CFAP44: variants seen among roughly 807,000 people sequenced by gnomAD.
The protein encoded by CFAP44 is cilia and flagella associated protein 44.
Under a neutral mutation model 216.2 loss-of-function variants are expected in CFAP44, and 134 were observed. The observed-to-expected ratio is 0.62, with a 90% CI of 0.54 to 0.72. The LOEUF is 0.72. CFAP44 is among the 30% of genes least tolerant of loss of function. The pLI, the probability that CFAP44 is intolerant of heterozygous loss-of-function variation, is 0.00. For missense variants in CFAP44, 2,035 were observed against 2,182.1 expected, an observed-to-expected ratio of 0.93 and a Z score of 1.34; for synonymous variants, 700 against 727.6, an observed-to-expected ratio of 0.96 and a Z score of 0.61.
At chr3:113,368,481 A>C (rs1300664983) in intron 18 of CFAP44, among the ~76,000 whole-genome samples, 1 of 152,240 alleles carries the variant, frequency 6.6e-6, no homozygotes, top group Non-Finnish European at 1.5e-5. Context: ...TTTCATATCC[A>C]GTCAAACTAA....
chr3:113,294,638 G>T, intron 34 of CFAP44, 49 bp downstream of exon 34: 1 of 1,476,308 alleles, frequency 6.8e-7, no homozygotes, highest in South Asian at 1.4e-5. Flanking sequence ...AGCTACCTTT[G>T]ACAGAGCTTC....
chr3:113,441,027 T>C (rs1327725959), intron 1 of CFAP44, among the ~76,000 whole-genome samples: 1 of 152,238 alleles, frequency 6.6e-6, no homozygotes, highest in African/African-American at 2.4e-5. Context: ...AATAACTCCA[T>C]GAGGTCACAT....
intron 22 of CFAP44, among the ~76,000 whole-genome samples, chr3:113,352,890 C>T (rs1165319743): frequency 6.6e-6 from 1 of 152,186 alleles, no homozygotes; most frequent in African/African-American, 2.4e-5. Context: ...TTTGGTACAA[C>T]TTTATCCTCT....
intron 5 of CFAP44, among the ~76,000 whole-genome samples, chr3:113,418,538 T>C (rs1934713798): frequency 1.3e-5 from 2 of 152,210 alleles, no homozygotes; most frequent in Admixed American, 6.5e-5. Flanking sequence ...GAACCATAAC[T>C]GGATAACTGT....
chr3:113,409,889 G>A (rs1934405654), intron 6 of CFAP44, among the ~76,000 whole-genome samples: 2 of 152,138 alleles, frequency 1.3e-5, no homozygotes, highest in Admixed American at 6.5e-5. Flanking sequence ...ATATGTTAAG[G>A]ATACTCCCAC....
chr3:113,317,689 A>C (rs115425545), intron 28 of CFAP44, among the ~76,000 whole-genome samples: 4,379 of 152,262 alleles, frequency 0.029, 110 homozygotes, highest in East Asian at 0.1. Flanking sequence ...CCAGCACTTG[A>C]GCTGGGGAGG....
chr3:113,338,947 T>A (rs1361362005), intron 24 of CFAP44, among the ~76,000 whole-genome samples: 1 of 151,940 alleles, frequency 6.6e-6, no homozygotes, highest in Non-Finnish European at 1.5e-5. Flanking sequence ...CTGAGACTCA[T>A]ATCTTTAATT....
At chr3:113,375,298 G>A (rs1387310913) in intron 17 of CFAP44, among the ~76,000 whole-genome samples, 1 of 152,144 alleles carries the variant, frequency 6.6e-6, no homozygotes, top group Middle Eastern at 3.2e-3. Context: ...TACTACTACT[G>A]AGCTGTACAC....
intron 32 of CFAP44, 125 bp from the exon 33 acceptor site, chr3:113,297,010 G>T: frequency 8.6e-7 from 1 of 1,165,658 alleles, no homozygotes; most frequent in Non-Finnish European, 1.2e-6. Context: ...TGCCATCAGT[G>T]ATTTTTCTTC....
At chr3:113,326,365 A>C in intron 28 of CFAP44, 80 bp downstream of exon 28, 1 of 1,296,716 alleles carries the variant, frequency 7.7e-7, no homozygotes, top group Non-Finnish European at 1.0e-6. Flanking sequence ...AAAATAAGGT[A>C]TCTAATAGGT....
Position 113,379,377 on chromosome 3 carries a change from A to G in CFAP44, c.2227T>C (p.Phe743Leu). 1 of 1,613,156 alleles carries G rather than the reference A, an allele frequency of 6.2e-7. No homozygotes were observed. The highest frequency in any genetic ancestry group is 1.1e-5 in the South Asian group (1 of 90,974). Reference protein sequence around the residue: ...EEEEEPLPEIFIPSTPSPILC... With the variant: ...EEEEEPLPEILIPSTPSPILC... ...ATGGGAGAGGGGGTTGACGGAATAA[A>G]TATTTCAGGTAATGGCTCTTCTTCC... is the stretch of plus-strand genomic sequence containing the variant. The change falls in exon 17 of 35, where the codon TTT (phenylalanine) becomes CTT (leucine). Residue 743 changes from phenylalanine (F) to leucine (L), a missense_variant. Physicochemically the swap from Phe to Leu is conservative, Grantham distance 22. Around this residue, in one of 3 missense-constraint regions of CFAP44, gnomAD observed 1,883 missense variants for 2,023.7 expected, o/e 0.93. Transcript: ENST00000393845.
chr3:113,341,812 T>A lies in CFAP44; in HGVS notation c.3369A>T (p.Arg1123Ser). ...IIVENQIEKT[R>S]KLILKAERAQ... ...CCCTTTCAGCTTTTAATATAAGTTT[T>A]CTCGTTTTCTCAATTTGATTTTCCA... The change falls in exon 24 of 35, where the codon AGA (arginine) becomes AGT (serine). Residue 1123 changes from arginine (R) to serine (S), a missense_variant. Physicochemically the swap from Arg to Ser is moderately radical, Grantham distance 110 (BLOSUM62 -1). Coordinates refer to ENST00000393845, the MANE Select transcript of CFAP44 (RefSeq NM_001164496.2). 1 of 1,531,524 alleles carries A rather than the reference T, an allele frequency of 6.5e-7. No homozygotes were observed. The allele number at this position is 1,531,524 out of a possible 1,614,324, so 94.9% of individuals were successfully genotyped here. A position where few individuals can be genotyped will look rare whatever the true frequency, so the allele number is the denominator to read the frequency against.
intron 7 of CFAP44, among the ~76,000 whole-genome samples, chr3:113,407,261 G>A (rs11927782): frequency 7.2e-5 from 11 of 152,132 alleles, no homozygotes; most frequent in Admixed American, 3.9e-4. Context: ...AAAATTTCCT[G>A]CTTTCATGCA....
chr3:113,398,458 T>A (rs183077884), intron 13 of CFAP44, among the ~76,000 whole-genome samples: 8 of 152,292 alleles, frequency 5.3e-5, no homozygotes, highest in Admixed American at 3.3e-4. Flanking sequence ...ATCCATATGA[T>A]CATTACTCGA....
At chr3:113,394,120 A>G (rs1933924476) in intron 15 of CFAP44, among the ~76,000 whole-genome samples, 1 of 152,228 alleles carries the variant, frequency 6.6e-6, no homozygotes, top group East Asian at 1.9e-4. Flanking sequence ...CTCAGTTTCT[A>G]CCACTGGTTA....
At chr3:113,388,380 C>T (rs1440281821) in intron 15 of CFAP44, among the ~76,000 whole-genome samples, 1 of 151,698 alleles carries the variant, frequency 6.6e-6, no homozygotes, top group Non-Finnish European at 1.5e-5. Context: ...ATAGTAACTT[C>T]AATGAAAAAA....
intron 1 of CFAP44, among the ~76,000 whole-genome samples, chr3:113,436,135 A>G (rs1044292158): frequency 2.0e-5 from 3 of 152,202 alleles, no homozygotes; most frequent in Non-Finnish European, 4.4e-5. Flanking sequence ...GCACTGTCAG[A>G]AAAGCAGTCT....
At chr3:113,338,945 C>T (rs1361220866) in intron 24 of CFAP44, among the ~76,000 whole-genome samples, 2 of 151,902 alleles carry the variant, frequency 1.3e-5, no homozygotes, top group East Asian at 3.9e-4. Context: ...CTCTGAGACT[C>T]ATATCTTTAA....
intron 24 of CFAP44, 105 bp from the exon 25 acceptor site, chr3:113,333,688 T>C: frequency 1.6e-6 from 2 of 1,263,274 alleles, no homozygotes; most frequent in South Asian, 2.1e-5. Context: ...GAAACAAAAG[T>C]ATGATTTCAA....
Sources: allele counts gnomAD v4.1 joint callset (sites outside exome capture counted in the v4.1 genomes callset), GRCh38; gene constraint gnomAD v4.1.1; regional missense constraint gnomAD v4.1.1; transcripts MANE v1.5; gene names NCBI Gene and HGNC (gene_info 2026-07-23, HGNC 2026-07-21).